MSH5: variants seen among roughly 807,000 people sequenced by gnomAD.
MSH5 encodes mutS protein homolog 5.
A neutral mutation model predicts 107.7 loss-of-function variants in MSH5; 78 were observed. The ratio of observed to expected loss-of-function variants is 0.72; its 90% CI spans 0.60 to 0.87. The LOEUF is 0.87. Ranked by LOEUF, MSH5 falls within the 40% of genes least tolerant of loss-of-function variation. MSH5 has a pLI of 0.00. For missense variants in MSH5, 889 were observed against 1,046.6 expected, an observed-to-expected ratio of 0.85 and a Z score of 2.08; for synonymous variants, 326 against 399.5, an observed-to-expected ratio of 0.82 and a Z score of 2.19.
At chr6:31,751,841 G>A (rs1809986082) in intron 10 of MSH5, among the ~76,000 whole-genome samples, 1 of 152,050 alleles carries the variant, frequency 6.6e-6, no homozygotes, top group East Asian at 1.9e-4. Context: ...GCTCATGCCT[G>A]TAATTCCAGC....
rs774027527 is a variant in MSH5 at position 31,759,203 on chromosome 6, GA to G, written c.1407+27del. ...GTAAGACCCTCAACCTCTGTAAGGT[GA>G]GTGATGAGGAAAATGAGTCAGCAGC... On this transcript the variant is annotated intron_variant, in intron 16 of 24. Transcript: ENST00000375750. This position sits in a 1 kb window ranked among gnomAD's most constrained non-coding sequence, Gnocchi z 4.7. 1.3e-6 allele frequency: 2 copies of G among 1,596,532 alleles called. No homozygotes were observed. The highest frequency in any genetic ancestry group is 1.7e-6 in the Non-Finnish European group (2 of 1,165,388).
intron 3 of MSH5, 94 bp downstream of exon 3, chr6:31,741,380 C>CACAT: frequency 1.2e-6 from 1 of 846,678 alleles, no homozygotes; most frequent in African/African-American, 2.3e-5. Flanking sequence ...CACACACACA[C>CACAT]ACATATTTTT....
At chr6:31,753,898 G>A (rs1018541582) in intron 12 of MSH5, 1 of 383,772 alleles carries the variant, frequency 2.6e-6, no homozygotes, top group Non-Finnish European at 5.0e-6. Context: ...GCAAATTTTT[G>A]TATTTTTAGT....
In MSH5 at chr6:31,744,313, C is replaced by T; in HGVS notation, c.647+14C>T. On this transcript the variant is annotated intron_variant, in intron 7 of 24. Coordinates refer to ENST00000375750, the MANE Select transcript of MSH5 (RefSeq NM_172166.4). ...GAAATTTATGTTGTAGGTGATTCAC[C>T]CCAACCCCAACCAAAGTAATGTGGG... 6.2e-7 allele frequency: 1 copy of T among 1,613,902 alleles called. No individual in the cohort carries two copies. Among genetic ancestry groups the T allele is most frequent in the Non-Finnish European group, 8.5e-7 (1 of 1,179,908 alleles).
rs1337923224 is a variant in MSH5, at chr6:31,762,594, T to A, written c.*63T>A. 7 of 988,774 alleles carry A rather than the reference T, an allele frequency of 7.1e-6. No homozygotes were observed. In the Admixed American group the frequency reaches 1.4e-4, roughly 20 times the overall value. The allele number at this position is 988,774 out of a possible 1,614,324, so 61.3% of individuals were successfully genotyped here. The stretch of plus-strand genomic sequence containing the variant: ...CGGTGGGCTGCCATGCCCTCTTTGT[T>A]TCCTTATCTCCCTCAGACGCAGAGT... On this transcript the variant is annotated 3_prime_UTR_variant, in exon 25 of 25. Coordinates refer to ENST00000375750, the MANE Select transcript of MSH5 (RefSeq NM_172166.4).
chr6:31,741,147 C>A lies in MSH5; in HGVS notation c.148-16C>A. On this transcript the variant is annotated splice_polypyrimidine_tract_variant and intron_variant, in intron 2 of 24. Coordinates refer to ENST00000375750, the MANE Select transcript of MSH5 (RefSeq NM_172166.4). Reference sequence around the variant, plus strand: ...AGTGATTCTAATAGTGATTTCCTTTCTTCCTTGCTGGACAGATCCATCTGT... The same window carrying A: ...AGTGATTCTAATAGTGATTTCCTTTATTCCTTGCTGGACAGATCCATCTGT... The A allele has an allele frequency of 6.2e-7, 1 of 1,612,398 alleles. No homozygotes were observed. Among genetic ancestry groups the A allele is most frequent in the Non-Finnish European group, 8.5e-7 (1 of 1,179,742 alleles).
At position 31,758,560 on chromosome 6, in the gene MSH5, G is replaced by T. The variant is rs1810660839; in HGVS notation, c.1156G>T (p.Gly386Cys). 1.2e-6 allele frequency: 2 copies of T among 1,613,342 alleles called. No individual in the cohort carries two copies. Among genetic ancestry groups the T allele is most frequent in the Admixed American group, 1.7e-5 (1 of 59,980 alleles). ...CTTATCTCCTCAGGTGGACTTTGAG[G>T]GCAGCCTTGCTGAAAATCGCTTCAC... ...SLIGKVVDFE[G>C]SLAENRFTVL... Residue 386 changes from glycine to cysteine, a missense_variant, in exon 14 of 25, where the codon GGC (glycine) becomes TGC (cysteine). This residue lies in a region of MSH5 where 518 missense variants were observed against 565.0 expected (regional missense o/e 0.92). Transcript: ENST00000375750. The surrounding 1 kb of genome is among the most constrained non-coding windows in gnomAD (Gnocchi z 5.1).
chr6:31,752,385 G>A (rs1356544432), intron 10 of MSH5, among the ~76,000 whole-genome samples: 1 of 148,980 alleles, frequency 6.7e-6, no homozygotes. Context: ...TAGCCTGGGC[G>A]ACAGAGCAAG....
Position 31,759,971 on chromosome 6 carries a change from G to A in MSH5, c.1681G>A (p.Gly561Ser). 2 of 1,614,168 alleles carry A rather than the reference G, an allele frequency of 1.2e-6. No homozygotes were observed. The highest frequency in any genetic ancestry group is 2.2e-5 in the East Asian group (1 of 44,884). ...PQVLGVRIQNGRHPLMELCAR... is the reference protein window; with the variant it reads ...PQVLGVRIQNSRHPLMELCAR... The stretch of plus-strand genomic sequence containing the variant: ...AGTCCTTGGGGTACGAATCCAGAAT[G>A]GCAGGTAAGAATAGAGGCGGGTGGA... Residue 561 changes from glycine (G) to serine (S), a missense_variant, in exon 18 of 25, where the codon GGC becomes AGC. Transcript: ENST00000375750. This position sits in a 1 kb window ranked among gnomAD's most constrained non-coding sequence, Gnocchi z 4.7.
chr6:31,745,958 G>A (rs1321053234), intron 9 of MSH5, among the ~76,000 whole-genome samples: 3 of 151,840 alleles, frequency 2.0e-5, no homozygotes, highest in East Asian at 1.9e-4. Flanking sequence ...AGTAGAGAAC[G>A]GGTTTCACTG....
intron 10 of MSH5, among the ~76,000 whole-genome samples, chr6:31,749,658 T>C (rs1313294506): frequency 6.6e-6 from 1 of 152,236 alleles, no homozygotes; most frequent in Non-Finnish European, 1.5e-5. Flanking sequence ...AGTGCTTGTT[T>C]ATGTTTTTCT....
chr6:31,759,984 A>G lies in MSH5; in HGVS notation c.1685+9A>G, dbSNP rs764664003. On this transcript the variant is annotated intron_variant, in intron 18 of 24. Coordinates refer to ENST00000375750, the MANE Select transcript of MSH5 (RefSeq NM_172166.4). This position sits in a 1 kb window ranked among gnomAD's most constrained non-coding sequence, Gnocchi z 4.7. ...CGAATCCAGAATGGCAGGTAAGAATAGAGGCGGGTGGAGGAATAGACATGA... is the reference window on the plus strand; with the variant it reads ...CGAATCCAGAATGGCAGGTAAGAATGGAGGCGGGTGGAGGAATAGACATGA... 11 of 1,613,056 alleles carry G rather than the reference A, an allele frequency of 6.8e-6. No homozygotes were observed. The Admixed American group carries it at 1.7e-4, about 25-fold the overall frequency.
chr6:31,747,286 C>T, intron 9 of MSH5, 101 bp from the exon 10 acceptor site: 1 of 1,295,978 alleles, frequency 7.7e-7, no homozygotes, highest in Non-Finnish European at 1.1e-6. Flanking sequence ...TCCTCAACAA[C>T]CAGCACCTCT....
chr6:31,749,126 C>T (rs574244731), intron 10 of MSH5, among the ~76,000 whole-genome samples: 5 of 151,744 alleles, frequency 3.3e-5, no homozygotes, highest in South Asian at 2.1e-4. Context: ...ATGTTGGCCA[C>T]GCTGGTCTTG....
chr6:31,758,093 T>C lies in MSH5; in HGVS notation c.1015-72T>C. ...TCTTCCCTACTGGTCTTTGTTCTTCTGAGTCTGTCCCTATCACCACCTCAA... is the reference window on the plus strand; with the variant it reads ...TCTTCCCTACTGGTCTTTGTTCTTCCGAGTCTGTCCCTATCACCACCTCAA... On this transcript the variant is annotated intron_variant, in intron 12 of 24. Coordinates refer to ENST00000375750, the MANE Select transcript of MSH5 (RefSeq NM_172166.4). The surrounding 1 kb of genome is among the most constrained non-coding windows in gnomAD (Gnocchi z 5.1). 1 of 1,586,290 alleles carries C rather than the reference T, an allele frequency of 6.3e-7. No individual in the cohort carries two copies. Among genetic ancestry groups the C allele is most frequent in the Non-Finnish European group, 8.6e-7 (1 of 1,160,040 alleles).
At chr6:31,752,245 C>G (rs963441018) in intron 10 of MSH5, among the ~76,000 whole-genome samples, 33 of 150,466 alleles carry the variant, frequency 2.2e-4, no homozygotes, top group Non-Finnish European at 4.4e-5. Flanking sequence ...TCAAGACCAG[C>G]CTGGCCAAGA....
chr6:31,755,970 G>A (rs532443574), intron 12 of MSH5, among the ~76,000 whole-genome samples: 1 of 149,612 alleles, frequency 6.7e-6, no homozygotes, highest in Non-Finnish European at 1.5e-5. Context: ...TTTCCTAGAT[G>A]TTTTTGGCAC....
chr6:31,743,807 G>A (rs1809138490), intron 5 of MSH5, 97 bp from the exon 6 acceptor site: 3 of 1,525,812 alleles, frequency 2.0e-6, no homozygotes, highest in African/African-American at 1.4e-5. Context: ...GCTTGGGCAA[G>A]TCAAATAATC....
rs1810919096 is a variant in MSH5, at chr6:31,760,777, C to A, written c.1900C>A (p.Arg634=). Residue 634 remains arginine, a synonymous_variant, in exon 20 of 25, where the codon CGA becomes AGA. Coordinates refer to ENST00000375750, the MANE Select transcript of MSH5 (RefSeq NM_172166.4). This position sits in a 1 kb window ranked among gnomAD's most constrained non-coding sequence, Gnocchi z 5.6. ...TGGGGCAGTAGACGCCATCTTCACACGAATTCATAGCTGCGAATCCATCTC... is the reference window on the plus strand; with the variant it reads ...TGGGGCAGTAGACGCCATCTTCACAAGAATTCATAGCTGCGAATCCATCTC... The part of the protein sequence containing the change: ...EIGAVDAIFT[R]IHSCESISLG... 2 of 1,612,986 alleles carry A rather than the reference C, an allele frequency of 1.2e-6. No individual in the cohort carries two copies. Among genetic ancestry groups the A allele is most frequent in the Non-Finnish European group, 8.5e-7 (1 of 1,180,034 alleles).
Sources: gnomAD v4.1 joint callset for allele counts (sites outside exome capture counted in the v4.1 genomes callset) on GRCh38, gnomAD v4.1.1 for gene constraint, gnomAD v4.1.1 regional missense constraint, Gnocchi (gnomAD v3.1) non-coding constraint, MANE v1.5 for transcripts, NCBI Gene and HGNC (gene_info 2026-07-23, HGNC 2026-07-21) for gene names.